The following ZIM3 variants were observed in gnomAD, a reference collection of about 807,000 sequenced individuals.
ZIM3 encodes the protein zinc finger protein 657.
A neutral mutation model predicts 12.9 loss-of-function variants in ZIM3; 11 were observed. The ratio of observed to expected loss-of-function variants is 0.85; its 90% CI spans 0.54 to 1.41. The LOEUF (loss-of-function observed/expected upper bound fraction) is 1.41. Among genes scored for constraint, ZIM3 ranks in the 40% most tolerant of loss-of-function variants. The probability of loss-of-function intolerance (pLI) is 0.00; values close to 1 mark genes in which losing one functional copy is unlikely to be tolerated. For missense variants in ZIM3, 604 were observed against 557.2 expected (o/e 1.08, Z -0.85); for synonymous variants, 205 against 198.5 (o/e 1.03, Z -0.28).
chr19:57,137,337 C>A (rs1675206427), intron 3 of ZIM3, among the ~76,000 whole-genome samples: 1 of 152,092 alleles, frequency 6.6e-6, no homozygotes. Flanking sequence ...CTCTACAAAA[C>A]CAAAGCCACG....
Position 57,139,533 on chromosome 19 carries a change from C to T in ZIM3, c.16-935G>A, listed in dbSNP as rs149346419. On this transcript the variant is annotated intron_variant, in intron 2 of 4. Transcript: ENST00000269834. ...CCGGGGTCAGGAGTTCGAGACCAGC[C>T]TCGTCAACATGGTGAAACCCCATCT... 4.4e-3 allele frequency among the ~76,000 whole-genome samples: 671 copies of T among 151,908 alleles called. 4 individuals are homozygous for T. The highest frequency in any genetic ancestry group is 0.016 in the African/African-American group (645 of 41,418).
chr19:57,138,728 T>C, intron 2 of ZIM3, 130 bp from the exon 3 acceptor site: 2 of 1,248,820 alleles, frequency 1.6e-6, no homozygotes, highest in Non-Finnish European at 2.2e-6. Context: ...TGAAAATAAA[T>C]TGTGCCCAGA....
Position 57,135,601 on chromosome 19 carries a change from TA to T in ZIM3, c.735del (p.His245GlnfsTer79), listed in dbSNP as rs1467682459. On this transcript the variant is annotated frameshift_variant, in exon 5 of 5. Transcript: ENST00000269834. LOFTEE classifies it low-confidence loss of function (END_TRUNC). ...TTACACTGATAGGGTTTCTCTTTAGTATGCATTTTCTGATGTTGAAAGAGAT... is the reference window on the plus strand; with the variant it reads ...TTACACTGATAGGGTTTCTCTTTAGTTGCATTTTCTGATGTTGAAAGAGAT... ...KSNLFQHQKM[H>X]TKEKPYQCKT... 6.8e-6 allele frequency: 11 copies of T among 1,614,066 alleles called. No homozygotes were observed. The highest frequency in any genetic ancestry group is 9.3e-6 in the Non-Finnish European group (11 of 1,180,008).
At chr19:57,138,280 C>T (rs181366256) in intron 3 of ZIM3, among the ~76,000 whole-genome samples, 192 bp downstream of exon 3, 2 of 152,292 alleles carry the variant, frequency 1.3e-5, no homozygotes, top group Admixed American at 6.5e-5. Context: ...CGGCACTTGC[C>T]GACCCTGAGA....
chr19:57,142,840 CTTTT>C (rs113123994), intron 1 of ZIM3, among the ~76,000 whole-genome samples, 155 bp from the exon 2 acceptor site: 1 of 149,500 alleles, frequency 6.7e-6, no homozygotes, highest in Non-Finnish European at 1.5e-5. Flanking sequence ...TTCTGAAGGT[CTTTT>C]TTTTTTTTGT....
chr19:57,139,172 CA>C (rs370360769), intron 2 of ZIM3, among the ~76,000 whole-genome samples: 1 of 151,174 alleles, frequency 6.6e-6, no homozygotes, highest in East Asian at 2.0e-4. Context: ...ACTAAAAATA[CA>C]AAAAATTAGC....
chr19:57,143,189 GGC>G (rs1464508233), intron 1 of ZIM3, among the ~76,000 whole-genome samples: 1 of 152,040 alleles, frequency 6.6e-6, no homozygotes, highest in Non-Finnish European at 1.5e-5. Context: ...AAATTAGCCA[GGC>G]GTGGTGGCGG....
At chr19:57,138,370 G>C in intron 3 of ZIM3, 102 bp downstream of exon 3, 5 of 1,536,786 alleles carry the variant, frequency 3.3e-6, no homozygotes, top group Non-Finnish European at 4.5e-6. Context: ...CATATGCGAA[G>C]TGAGGAGCAC....
In ZIM3 at chr19:57,137,874, GGAAGGAAGGAAGGAAA is replaced by G. The variant is rs1568458746; in HGVS notation, c.142+582_142+597del. Among the ~76,000 whole-genome samples the G allele has an allele frequency of 2.0e-3, 117 of 58,718 alleles. 1 individual carries two copies. Among genetic ancestry groups the G allele is most frequent in the East Asian group, 3.4e-3 (5 of 1,472 alleles). The allele number at this position is 58,718 out of a possible 152,430, so 38.5% of individuals were successfully genotyped here. A position where few individuals can be genotyped will look rare whatever the true frequency, so the allele number is the denominator to read the frequency against. On this transcript the variant is annotated intron_variant, in intron 3 of 4. Coordinates refer to ENST00000269834, the MANE Select transcript of ZIM3 (RefSeq NM_052882.1). Reference sequence around the variant, plus strand: ...AGGAAGGAAGGAAGGAAGGAAAGAAGGAAGGAAGGAAGGAAAGAAGGAAGGAAAGAAGGAAGGAAGG... The same window carrying G: ...AGGAAGGAAGGAAGGAAGGAAAGAAGGAAGGAAGGAAAGAAGGAAGGAAGG...
chr19:57,135,160 A>C lies in ZIM3; in HGVS notation c.1177T>G (p.Cys393Gly). The C allele has an allele frequency of 6.2e-7, 1 of 1,614,168 alleles. No homozygotes were observed. Among genetic ancestry groups the C allele is most frequent in the East Asian group, 2.2e-5 (1 of 44,870 alleles). ...KIHTGEKPYE[C>G]NRCGKAFFQK... ...AAGAAGGCTTTTCCACATCTGTTAC[A>C]TTCATAGGGCTTTTCCCCAGTATGG... The change falls in exon 5 of 5, where the codon TGT becomes GGT. Residue 393 changes from cysteine (C) to glycine (G), a missense_variant. By Grantham distance (159) the Cys-to-Gly change is radical. Coordinates refer to ENST00000269834, the MANE Select transcript of ZIM3 (RefSeq NM_052882.1).
chr19:57,138,393 C>G (rs200777761), intron 3 of ZIM3, 79 bp downstream of exon 3: 91 of 1,603,410 alleles, frequency 5.7e-5, no homozygotes, highest in Non-Finnish European at 1.4e-5. Flanking sequence ...CTGTGCCAAC[C>G]CTATTTGGCC....
chr19:57,135,986 A>C lies in ZIM3; in HGVS notation c.351T>G (p.Gly117=), dbSNP rs527336956. 1 of 1,614,080 alleles carries C rather than the reference A, an allele frequency of 6.2e-7. No homozygotes were observed. Residue 117 remains glycine, a synonymous_variant, in exon 5 of 5, where the codon GGT becomes GGG. Transcript: ENST00000269834. ...TTTTCTTAGATCCGTCACATTCTACACCTTTCTGCGTAGTCAGCGTTTCCT... is the reference window on the plus strand; with the variant it reads ...TTTTCTTAGATCCGTCACATTCTACCCCTTTCTGCGTAGTCAGCGTTTCCT... ...INKETLTTQK[G]VECDGSKKIL... is the part of the protein sequence containing the mutation.
At chr19:57,141,022 A>C (rs937529888) in intron 2 of ZIM3, among the ~76,000 whole-genome samples, 2 of 152,210 alleles carry the variant, frequency 1.3e-5, no homozygotes, top group Non-Finnish European at 2.9e-5. Flanking sequence ...CATTTAAAAA[A>C]TAGGTTGGGG....
At chr19:57,144,567 G>A (rs1276463131) in intron 1 of ZIM3, among the ~76,000 whole-genome samples, 2 of 151,972 alleles carry the variant, frequency 1.3e-5, no homozygotes, top group African/African-American at 4.8e-5. Flanking sequence ...ACATCACATT[G>A]TACCCCATAA....
In ZIM3 at chr19:57,134,499, C is replaced by G. The variant is rs1487889613; in HGVS notation, c.*419G>C. ...TTCACCATGTTGGTCATGCTGGTCT[C>G]GAACTCCTGACCTCAGGTGATGCGC... On this transcript the variant is annotated 3_prime_UTR_variant, in exon 5 of 5. Transcript: ENST00000269834. 6.3e-6 allele frequency: 1 copy of G among 158,248 alleles called. No individual in the cohort carries two copies. The highest frequency in any genetic ancestry group is 2.4e-5 in the African/African-American group (1 of 41,464). The allele number at this position is 158,248 out of a possible 1,614,324, so 9.8% of individuals were successfully genotyped here.
rs368098374 is a variant in ZIM3, at chr19:57,138,617, G to T, written c.16-19C>A. The T allele has an allele frequency of 2.5e-6, 4 of 1,613,476 alleles. No homozygotes were observed. ...CTCTTCCCTGTAACAACAGATTCCC[G>T]ATCAGTATAAAAATGCCATTGAATC... On this transcript the variant is annotated intron_variant, in intron 2 of 4. Transcript: ENST00000269834.
intron 1 of ZIM3, among the ~76,000 whole-genome samples, chr19:57,144,485 T>TA (rs1157022373): frequency 6.6e-6 from 1 of 152,192 alleles, no homozygotes; most frequent in African/African-American, 2.4e-5. Flanking sequence ...CAGTAAATTG[T>TA]AAATGCTTTC....
Position 57,138,515 on chromosome 19 carries a change from G to C in ZIM3, c.99C>G (p.Tyr33Ter), listed in dbSNP as rs2086900034. Residue 33 changes from tyrosine to a stop codon, truncating the protein, a stop_gained, in exon 3 of 5, where the codon TAC becomes TAG. Transcript: ENST00000269834. LOFTEE classifies it high-confidence loss of function. ...TGTAATTCTCCAGCATCACATCCCT[G>C]TACAAGTTTCTCTGTTCGGGATTCA... ...QRLNPEQRNL[Y>*]RDVMLENYSN... 1.9e-6 allele frequency: 3 copies of C among 1,614,066 alleles called. No homozygotes were observed. Among genetic ancestry groups the C allele is most frequent in the Non-Finnish European group, 1.7e-6 (2 of 1,179,982 alleles).
In ZIM3 at chr19:57,135,862, G is replaced by GA; in HGVS notation, c.474dup (p.Pro159SerfsTer12). The GA allele has an allele frequency of 1.2e-6, 2 of 1,614,078 alleles. No individual in the cohort carries two copies. The highest frequency in any genetic ancestry group is 1.7e-6 in the Non-Finnish European group (2 of 1,180,010). ...AGTTGTTGTCCTACAAATTTGGATG[G>GA]ATTATTGCCAACTAATTTTCTGTAT... is the stretch of plus-strand genomic sequence containing the variant. On this transcript the variant is annotated frameshift_variant, in exon 5 of 5. Transcript: ENST00000269834. LOFTEE classifies it low-confidence loss of function (END_TRUNC).
Sources: allele counts gnomAD v4.1 joint callset (sites outside exome capture counted in the v4.1 genomes callset), GRCh38; gene constraint gnomAD v4.1.1; transcripts MANE v1.5; gene names NCBI Gene and HGNC (gene_info 2026-07-23, HGNC 2026-07-21).